The following NMBR variants were observed in gnomAD, a reference collection of about 807,000 sequenced individuals.
NMBR encodes neuromedin-B receptor.
A neutral mutation model predicts 20.5 loss-of-function variants in NMBR; 16 were observed. That is an observed-to-expected ratio of 0.78 (90% CI 0.53 to 1.19). The LOEUF is 1.19. Ranked by LOEUF, NMBR falls within the 50% of genes most tolerant of loss-of-function variation. The pLI is 0.00. For synonymous variants in NMBR, 212 were observed against 196.6 expected (o/e 1.08, Z -0.65); for missense variants, 582 against 499.1 (o/e 1.17, Z -1.58).
chr6:142,129,799 T>C (rs1360198633), intron 1 of NMBR, among the ~76,000 whole-genome samples: 1 of 152,130 alleles, frequency 6.6e-6, no homozygotes, highest in Non-Finnish European at 1.5e-5. Flanking sequence ...ACAGGATAAA[T>C]GTTCTCCGAA....
In NMBR at chr6:142,075,037, T is replaced by G. The variant is rs562366839; in HGVS notation, c.*611A>C. Reference sequence around the variant, plus strand: ...AATACCAATTTGATTAAGCTCCACCTTTGAATTTTTTCTTATTTTCTTAAA... The same window carrying G: ...AATACCAATTTGATTAAGCTCCACCGTTGAATTTTTTCTTATTTTCTTAAA... On this transcript the variant is annotated 3_prime_UTR_variant, in exon 4 of 4. Coordinates refer to ENST00000258042, the MANE Select transcript of NMBR (RefSeq NM_002511.4). 1.1e-3 allele frequency among the ~76,000 whole-genome samples: 167 copies of G among 152,098 alleles called. No homozygotes were observed. The Middle Eastern group carries it at 0.017, about 15-fold the overall frequency.
At chr6:142,084,332 C>A (rs1183291575) in intron 2 of NMBR, among the ~76,000 whole-genome samples, 1 of 152,172 alleles carries the variant, frequency 6.6e-6, no homozygotes, top group African/African-American at 2.4e-5. Context: ...ATTATCCTAA[C>A]CAGCACTCAA....
chr6:142,095,096 A>C (rs189611905), intron 1 of NMBR, among the ~76,000 whole-genome samples: 4,892 of 152,146 alleles, frequency 0.032, 248 homozygotes, highest in African/African-American at 0.11. Flanking sequence ...TGTCATCTGC[A>C]AACAGGGACA....
At chr6:142,079,340 G>A (rs191057719) in intron 2 of NMBR, among the ~76,000 whole-genome samples, 50 of 152,136 alleles carry the variant, frequency 3.3e-4, no homozygotes, top group Admixed American at 2.6e-3. Context: ...AAGGTTCCTG[G>A]TGTCTCTCAG....
At chr6:142,078,451 C>A in intron 3 of NMBR, 104 bp downstream of exon 3, 1 of 668,442 alleles carries the variant, frequency 1.5e-6, no homozygotes, top group Non-Finnish European at 2.5e-6. Flanking sequence ...GAAGGCCCAA[C>A]TCTGTTCTCC....
At chr6:142,112,870 ATT>A (rs1777789331) in intron 1 of NMBR, among the ~76,000 whole-genome samples, 1 of 66,068 alleles carries the variant, frequency 1.5e-5, no homozygotes, top group Non-Finnish European at 5.0e-5. Flanking sequence ...AAATATGATA[ATT>A]AATTTGATTA....
chr6:142,140,861 A>G (rs1235767694), intron 1 of NMBR, among the ~76,000 whole-genome samples: 3 of 152,178 alleles, frequency 2.0e-5, no homozygotes, highest in Non-Finnish European at 4.4e-5. Flanking sequence ...CATAATGATG[A>G]AAGTATAATT....
At chr6:142,131,930 G>T (rs951916064) in intron 1 of NMBR, among the ~76,000 whole-genome samples, 1 of 152,174 alleles carries the variant, frequency 6.6e-6, no homozygotes, top group Non-Finnish European at 1.5e-5. Context: ...TATGCAAATG[G>T]TTGTTAGGGC....
At chr6:142,093,708 G>C (rs1238455693) in intron 1 of NMBR, among the ~76,000 whole-genome samples, 3 of 152,100 alleles carry the variant, frequency 2.0e-5, no homozygotes, top group East Asian at 3.9e-4. Context: ...TCTAGTTCTA[G>C]ATCCCTGAGG....
chr6:142,076,438 A>T (rs1254962563), intron 3 of NMBR, among the ~76,000 whole-genome samples: 4 of 152,210 alleles, frequency 2.6e-5, no homozygotes, highest in Non-Finnish European at 5.9e-5. Flanking sequence ...GTTTTAAAAA[A>T]ATCAGGGTGT....
chr6:142,105,621 A>G (rs1469116698), intron 1 of NMBR, among the ~76,000 whole-genome samples: 2 of 152,132 alleles, frequency 1.3e-5, no homozygotes, highest in African/African-American at 4.8e-5. Context: ...ATGCCTTTAT[A>G]TATTTTCTCA....
chr6:142,093,791 T>C (rs933202255), intron 1 of NMBR, among the ~76,000 whole-genome samples: 8 of 152,290 alleles, frequency 5.3e-5, no homozygotes, highest in African/African-American at 1.9e-4. Context: ...CATTCCTATT[T>C]TTCCACATCC....
chr6:142,112,140 A>T (rs1035142991), intron 1 of NMBR, among the ~76,000 whole-genome samples: 1 of 152,212 alleles, frequency 6.6e-6, no homozygotes, highest in Non-Finnish European at 1.5e-5. Flanking sequence ...CAGCATGGGC[A>T]AAATGAAAAA....
intron 1 of NMBR, among the ~76,000 whole-genome samples, chr6:142,143,895 G>A (rs935228987): frequency 1.3e-5 from 2 of 152,090 alleles, no homozygotes; most frequent in African/African-American, 4.8e-5. Flanking sequence ...ATATGGAATG[G>A]GAACAATCAA....
chr6:142,079,582 A>T (rs1777051366), intron 2 of NMBR, among the ~76,000 whole-genome samples: 1 of 152,186 alleles, frequency 6.6e-6, no homozygotes, highest in Non-Finnish European at 1.5e-5. Flanking sequence ...ACTTTTCCAT[A>T]GCTTCTGAGC....
At chr6:142,091,380 T>G (rs967500349) in intron 1 of NMBR, among the ~76,000 whole-genome samples, 2 of 152,132 alleles carry the variant, frequency 1.3e-5, no homozygotes, top group African/African-American at 2.4e-5. Flanking sequence ...TGCCCCACCA[T>G]GCCTGGCTAA....
chr6:142,088,879 T>G lies in NMBR; in HGVS notation c.-221A>C. The G allele has an allele frequency of 2.2e-6, 1 of 458,664 alleles. No homozygotes were observed. 28.4% of individuals were successfully genotyped at this position (458,664 alleles called of 1,614,324 possible). ...TCCGCTTCTAGAGGGGGGAAATGGC[T>G]CCGGCTAACTCTGAATTTAAATTAA... On this transcript the variant is annotated 5_prime_UTR_variant, in exon 2 of 4. Coordinates refer to ENST00000258042, the MANE Select transcript of NMBR (RefSeq NM_002511.4).
chr6:142,111,608 T>C (rs1027882346), intron 1 of NMBR, among the ~76,000 whole-genome samples: 2 of 152,170 alleles, frequency 1.3e-5, no homozygotes, highest in Non-Finnish European at 2.9e-5. Flanking sequence ...AATAGGATTA[T>C]AAAAAAGTGA....
At chr6:142,096,579 G>C (rs2114576140) in intron 1 of NMBR, among the ~76,000 whole-genome samples, 1 of 152,246 alleles carries the variant, frequency 6.6e-6, no homozygotes, top group East Asian at 1.9e-4. Context: ...GCTGAGGAGG[G>C]CTTTACTTCC....
Sources: gnomAD v4.1 joint callset for allele counts (sites outside exome capture counted in the v4.1 genomes callset) on GRCh38, gnomAD v4.1.1 for gene constraint, MANE v1.5 for transcripts, NCBI Gene and HGNC (gene_info 2026-07-23, HGNC 2026-07-21) for gene names.